OCA2: variants seen among roughly 807,000 people sequenced by gnomAD.
OCA2 encodes the protein OCA2 melanosomal transmembrane protein, also known as P protein.
OCA2 carries 77 observed loss-of-function variants against 100.2 expected under a neutral mutation model. The ratio of observed to expected loss-of-function variants is 0.77; its 90% CI spans 0.64 to 0.93. The LOEUF (loss-of-function observed/expected upper bound fraction) is 0.93. OCA2 is among the 40% of genes least tolerant of loss of function. The pLI, the probability that OCA2 is intolerant of heterozygous loss-of-function variation, is 0.00. For synonymous variants in OCA2, 432 were observed against 439.2 expected, an observed-to-expected ratio of 0.98 and a Z score of 0.21; for missense variants, 1,062 against 1,089.1, an observed-to-expected ratio of 0.98 and a Z score of 0.35.
At chr15:28,059,278 G>A (rs144833405) in intron 2 of OCA2, among the ~76,000 whole-genome samples, 18 of 152,340 alleles carry the variant, frequency 1.2e-4, no homozygotes, top group African/African-American at 1.2e-4. Context: ...GAGGTGGGGC[G>A]TGAGCTACTG....
At chr15:27,862,653 TTAG>T (rs1442250790) in intron 21 of OCA2, among the ~76,000 whole-genome samples, 1 of 152,114 alleles carries the variant, frequency 6.6e-6, no homozygotes, top group Non-Finnish European at 1.5e-5. Flanking sequence ...GTTTGTATTT[TTAG>T]TAGAGACAGG....
intron 23 of OCA2, among the ~76,000 whole-genome samples, chr15:27,818,168 T>C (rs912604205): frequency 2.6e-5 from 4 of 152,268 alleles, no homozygotes; most frequent in African/African-American, 9.6e-5. Flanking sequence ...GGCGGGTAGA[T>C]CACCTGAGGT....
rs368106059 is a variant in OCA2 at position 28,028,015 on chromosome 15, T to G, written c.371A>C (p.Glu124Ala). 25 of 1,614,092 alleles carry G rather than the reference T, an allele frequency of 1.5e-5. No homozygotes were observed. In the African/African-American group the frequency reaches 3.3e-4, roughly 22 times the overall value. The change falls in exon 4 of 24, where the codon GAA (glutamate) becomes GCA (alanine). Residue 124 changes from glutamate to alanine, a missense_variant. Transcript: ENST00000354638. ...PVYHPEFITA[E>A]ESWEDSSADW... ...AGCAGAGCTGTCTTCCCAAGACTCTTCAGCAGTGATGAACTCTGGATGGTA... is the reference window on the plus strand; with the variant it reads ...AGCAGAGCTGTCTTCCCAAGACTCTGCAGCAGTGATGAACTCTGGATGGTA...
chr15:27,945,611 G>A (rs146566952), intron 18 of OCA2, among the ~76,000 whole-genome samples: 64 of 152,244 alleles, frequency 4.2e-4, no homozygotes, highest in African/African-American at 1.5e-3. Context: ...GCTTAAGACA[G>A]ATCCAATAGA....
intron 2 of OCA2, among the ~76,000 whole-genome samples, chr15:28,037,005 A>C (rs1442772802): frequency 6.6e-6 from 1 of 152,054 alleles, no homozygotes; most frequent in Admixed American, 6.5e-5. Context: ...GACCAAATTC[A>C]CATCCACAGA....
chr15:28,009,137 T>G (rs754552687), intron 9 of OCA2, among the ~76,000 whole-genome samples: 5 of 152,214 alleles, frequency 3.3e-5, no homozygotes, highest in Non-Finnish European at 5.9e-5. Flanking sequence ...TAGGGAGTTA[T>G]GGACACACAG....
chr15:27,844,710 A>G (rs1326740200), intron 23 of OCA2, among the ~76,000 whole-genome samples: 3 of 152,098 alleles, frequency 2.0e-5, no homozygotes, highest in Admixed American at 1.3e-4. Flanking sequence ...CATGTTGCCC[A>G]GGCTGGTCTC....
At chr15:27,938,165 T>C (rs1020513660) in intron 18 of OCA2, among the ~76,000 whole-genome samples, 1 of 152,164 alleles carries the variant, frequency 6.6e-6, no homozygotes, top group African/African-American at 2.4e-5. Context: ...CTCAGCAGGA[T>C]CCCTATTTTA....
the OCA2 span, among the ~76,000 whole-genome samples, chr15:27,721,024 G>C: frequency 5.9e-5 from 9 of 152,266 alleles, no homozygotes; most frequent in South Asian, 1.9e-3. Context: ...TCAGCAGCTG[G>C]CATGCATTCT....
At chr15:28,003,075 C>G (rs1031286650) in intron 9 of OCA2, among the ~76,000 whole-genome samples, 2 of 152,228 alleles carry the variant, frequency 1.3e-5, no homozygotes, top group African/African-American at 4.8e-5. Flanking sequence ...TGTGGGCCTG[C>G]GGGTCCGCGT....
intron 19 of OCA2, among the ~76,000 whole-genome samples, chr15:27,905,057 G>C (rs1036521682): frequency 6.6e-6 from 1 of 151,714 alleles, no homozygotes; most frequent in Admixed American, 6.6e-5. Flanking sequence ...CCAACTACTC[G>C]GGAGGCTGAG....
chr15:27,994,206 C>A (rs1301303882), intron 9 of OCA2, among the ~76,000 whole-genome samples: 1 of 152,164 alleles, frequency 6.6e-6, no homozygotes, highest in East Asian at 1.9e-4. Flanking sequence ...GCATCAGATT[C>A]TCATAGGAGC....
At chr15:27,809,618 C>G (rs942213115) in intron 23 of OCA2, among the ~76,000 whole-genome samples, 11 of 152,162 alleles carry the variant, frequency 7.2e-5, no homozygotes, top group African/African-American at 2.7e-4. Context: ...ACCTAGAAAA[C>G]CCTAAAGACT....
chr15:28,040,008 GGTGAC>G, intron 2 of OCA2, among the ~76,000 whole-genome samples: 1 of 151,332 alleles, frequency 6.6e-6, no homozygotes, highest in Non-Finnish European at 1.5e-5. Flanking sequence ...CTCCAGCCTG[GGTGAC>G]AGAGAGAGAC....
At chr15:27,862,872 C>A (rs895209187) in intron 21 of OCA2, among the ~76,000 whole-genome samples, 1 of 152,190 alleles carries the variant, frequency 6.6e-6, no homozygotes, top group East Asian at 1.9e-4. Flanking sequence ...ACAAAGGCAT[C>A]CCGTCATTCT....
chr15:27,858,786 C>A (rs1478342210), intron 21 of OCA2, among the ~76,000 whole-genome samples: 3 of 151,890 alleles, frequency 2.0e-5, no homozygotes, highest in Admixed American at 2.0e-4. Flanking sequence ...CCAAGATAGA[C>A]CACATGTAGG....
intron 19 of OCA2, among the ~76,000 whole-genome samples, chr15:27,903,018 G>A (rs1048057133): frequency 1.3e-5 from 2 of 152,284 alleles, no homozygotes; most frequent in African/African-American, 4.8e-5. Flanking sequence ...GGGAGGCCAC[G>A]AGGGGCAGTC....
At position 28,090,230 on chromosome 15, in the gene OCA2, G is replaced by C. The variant is rs1192301915; in HGVS notation, c.-21-8335C>G. Reference sequence around the variant, plus strand: ...AAACTAATAGAACTAAAAGGAGAAAGACACATTTATAGTATAGTTTTATAG... The same window carrying C: ...AAACTAATAGAACTAAAAGGAGAAACACACATTTATAGTATAGTTTTATAG... On this transcript the variant is annotated intron_variant, in intron 1 of 23. Coordinates refer to ENST00000354638, the MANE Select transcript of OCA2 (RefSeq NM_000275.3). 2.0e-5 allele frequency among the ~76,000 whole-genome samples: 3 copies of C among 152,128 alleles called. No individual in the cohort carries two copies. In the East Asian group the frequency reaches 5.8e-4, roughly 29 times the overall value.
At chr15:27,747,888 G>A in the OCA2 span, among the ~76,000 whole-genome samples, 1 of 152,218 alleles carries the variant, frequency 6.6e-6, no homozygotes, top group Non-Finnish European at 1.5e-5. Flanking sequence ...ATGCATCTTG[G>A]TAACTTGAGA....
Sources: allele counts gnomAD v4.1 joint callset (sites outside exome capture counted in the v4.1 genomes callset), GRCh38; gene constraint gnomAD v4.1.1; transcripts MANE v1.5; gene names NCBI Gene and HGNC (gene_info 2026-07-23, HGNC 2026-07-21).